The following ESR1 variants were observed in gnomAD, a reference collection of about 807,000 sequenced individuals.
The protein encoded by ESR1 is estrogen receptor.
ESR1 carries 12 observed loss-of-function variants against 52.7 expected under a neutral mutation model. The observed-to-expected ratio is 0.23, with a 90% CI of 0.15 to 0.37. The LOEUF is 0.37. Among genes scored for constraint, ESR1 ranks in the 10% least tolerant of loss-of-function variants. The probability of loss-of-function intolerance (pLI) is 1.00; values close to 1 mark genes in which losing one functional copy is unlikely to be tolerated. For synonymous variants in ESR1, 305 were observed against 316.8 expected (o/e 0.96, Z 0.39); for missense variants, 584 against 779.7 (o/e 0.75, Z 2.99).
chr6:151,845,630 G>A (rs527702878), intron 2 of ESR1, among the ~76,000 whole-genome samples: 4 of 152,174 alleles, frequency 2.6e-5, no homozygotes, highest in African/African-American at 7.2e-5. Context: ...TCTTGTATAC[G>A]CAGACCAGCT....
At chr6:151,804,491 A>G (rs1278372167), upstream of ESR1, 1 of 152,142 alleles carries the variant, frequency 6.6e-6, no homozygotes, top group Non-Finnish European at 1.5e-5. Flanking sequence ...ACAAAGGGTA[A>G]CAGTCTTTCT....
chr6:151,739,334 G>A (rs1782907470), intron 2 of ESR1, among the ~76,000 whole-genome samples: 1 of 152,200 alleles, frequency 6.6e-6, no homozygotes, highest in Non-Finnish European at 1.5e-5. Flanking sequence ...GTTATGTCTT[G>A]TAACCATTGT....
chr6:151,721,045 T>G (rs769064867), intron 2 of ESR1, among the ~76,000 whole-genome samples: 9 of 152,144 alleles, frequency 5.9e-5, no homozygotes, highest in Non-Finnish European at 8.8e-5. Flanking sequence ...AACAAATAAT[T>G]TGTAGGATTG....
At chr6:152,017,672 C>T (rs1161510532) in intron 5 of ESR1, among the ~76,000 whole-genome samples, 1 of 151,902 alleles carries the variant, frequency 6.6e-6, no homozygotes. Flanking sequence ...CTTGAGTGCT[C>T]ATGATGGAAA....
At chr6:151,956,553 G>T (rs1189977771) in intron 4 of ESR1, among the ~76,000 whole-genome samples, 1 of 151,954 alleles carries the variant, frequency 6.6e-6, no homozygotes, top group Non-Finnish European at 1.5e-5. Flanking sequence ...CCCATTGTAT[G>T]CCCAACTTAT....
At chr6:151,946,539 C>A (rs1208289874) in intron 4 of ESR1, among the ~76,000 whole-genome samples, 1 of 152,038 alleles carries the variant, frequency 6.6e-6, no homozygotes, top group African/African-American at 2.4e-5. Context: ...CAGAGCTAGA[C>A]AAAATTATGG....
chr6:151,983,094 T>A (rs975008321), intron 4 of ESR1, among the ~76,000 whole-genome samples: 8 of 152,120 alleles, frequency 5.3e-5, no homozygotes, highest in African/African-American at 1.7e-4. Flanking sequence ...TAGTGTTCAA[T>A]AGTCGCAGGT....
At chr6:151,692,000 C>T (rs561884985) in intron 1 of ESR1, among the ~76,000 whole-genome samples, 2 of 152,162 alleles carry the variant, frequency 1.3e-5, no homozygotes, top group African/African-American at 2.4e-5. Flanking sequence ...GTAAAAGATA[C>T]GACATGTAGG....
chr6:151,965,429 C>T (rs2038165558), intron 4 of ESR1, among the ~76,000 whole-genome samples: 1 of 152,104 alleles, frequency 6.6e-6, no homozygotes, highest in Non-Finnish European at 1.5e-5. Context: ...GTACAAGTCT[C>T]TCTTCTCATC....
chr6:151,809,394 C>G (rs1778433746), intron 1 of ESR1: 1 of 286,754 alleles, frequency 3.5e-6, no homozygotes, highest in Non-Finnish European at 7.3e-6. Flanking sequence ...TCCTGATGGG[C>G]CTGCAGAGGG....
At chr6:152,109,798 C>T (rs1028581691) in intron 6 of ESR1, among the ~76,000 whole-genome samples, 4 of 152,214 alleles carry the variant, frequency 2.6e-5, no homozygotes, top group African/African-American at 9.6e-5. Flanking sequence ...CACTTTCTAA[C>T]AGAACTGCCT....
chr6:151,834,298 C>G (rs1350135001), intron 1 of ESR1, among the ~76,000 whole-genome samples: 1 of 152,166 alleles, frequency 6.6e-6, no homozygotes, highest in Admixed American at 6.5e-5. Flanking sequence ...GGAACCAACC[C>G]AAATGCCCAT....
At chr6:151,891,419 G>A (rs548315858) in intron 3 of ESR1, among the ~76,000 whole-genome samples, 67 of 152,252 alleles carry the variant, frequency 4.4e-4, no homozygotes, top group African/African-American at 1.5e-3. Flanking sequence ...AGAACTTTGG[G>A]GCAGTAATTA....
At chr6:151,672,513 T>C (rs1343787789) in intron 1 of ESR1, among the ~76,000 whole-genome samples, 2 of 152,016 alleles carry the variant, frequency 1.3e-5, no homozygotes, top group Non-Finnish European at 2.9e-5. Context: ...ATTTTTGTAT[T>C]GTTAGCAGAG....
exon 7 of ESR1, chr6:152,127,330 T>C (rs2053822317): frequency 6.6e-6 from 1 of 152,184 alleles, no homozygotes; most frequent in South Asian, 2.1e-4. Flanking sequence ...TATAGCCATG[T>C]CATGGGATTC....
intron 2 of ESR1, among the ~76,000 whole-genome samples, chr6:151,763,532 T>C (rs1243768557): frequency 2.0e-5 from 3 of 152,068 alleles, no homozygotes; most frequent in Non-Finnish European, 2.9e-5. Context: ...AGGGGTGGAA[T>C]GGGGTGGTGT....
chr6:152,059,077 C>T (rs778628295), intron 5 of ESR1, among the ~76,000 whole-genome samples: 1 of 152,036 alleles, frequency 6.6e-6, no homozygotes, highest in Admixed American at 6.6e-5. Context: ...TTTTCTCATA[C>T]CTTACGCCAA....
chr6:151,824,801 G>T (rs1376755686), intron 1 of ESR1, among the ~76,000 whole-genome samples: 6 of 152,052 alleles, frequency 3.9e-5, no homozygotes, highest in Non-Finnish European at 7.4e-5. Flanking sequence ...CACGCCTGCA[G>T]TCCCAGCTGC....
At chr6:151,675,900 A>G (rs1054852361) in intron 1 of ESR1, among the ~76,000 whole-genome samples, 3 of 152,204 alleles carry the variant, frequency 2.0e-5, no homozygotes, top group African/African-American at 4.8e-5. Context: ...AGGTTCTGCT[A>G]TGGACCAGGT....
Sources: gnomAD v4.1 joint callset for allele counts (sites outside exome capture counted in the v4.1 genomes callset) on GRCh38, gnomAD v4.1.1 for gene constraint, MANE v1.5 for transcripts, NCBI Gene and HGNC (gene_info 2026-07-23, HGNC 2026-07-21) for gene names.